Variants in CDH13 observed in about 807,000 individuals in gnomAD.
CDH13 encodes cadherin 13.
A neutral mutation model predicts 63.8 loss-of-function variants in CDH13; 24 were observed. The observed-to-expected ratio is 0.38, with a 90% CI of 0.27 to 0.53. The LOEUF is 0.53. CDH13 is among the 20% of genes least tolerant of loss of function. CDH13 has a pLI of 0.85. For missense variants in CDH13, 1,049 were observed against 903.1 expected (o/e 1.16, Z -2.07); for synonymous variants, 503 against 355.3 (o/e 1.42, Z -4.67).
At chr16:82,869,781 A>G (rs752636097) in intron 2 of CDH13, among the ~76,000 whole-genome samples, 3 of 152,336 alleles carry the variant, frequency 2.0e-5, no homozygotes, top group South Asian at 2.1e-4. Context: ...ATCCATATGC[A>G]GAAGAATGAT....
intron 10 of CDH13, among the ~76,000 whole-genome samples, chr16:83,730,634 T>G (rs1299472305): frequency 6.6e-6 from 1 of 152,198 alleles, no homozygotes; most frequent in African/African-American, 2.4e-5. Flanking sequence ...TTTGTTTGTT[T>G]GTTTTTGTTT....
At chr16:83,360,511 T>A (rs2091141863) in intron 6 of CDH13, among the ~76,000 whole-genome samples, 1 of 152,154 alleles carries the variant, frequency 6.6e-6, no homozygotes, top group South Asian at 2.1e-4. Flanking sequence ...GCAGGCTTAT[T>A]GTATGGATAT....
chr16:83,080,323 C>G (rs1168556056), intron 3 of CDH13, among the ~76,000 whole-genome samples: 1 of 152,110 alleles, frequency 6.6e-6, no homozygotes. Context: ...AATTGAGACA[C>G]CTGTGTATGA....
At chr16:82,701,349 T>C (rs2031002948) in intron 1 of CDH13, among the ~76,000 whole-genome samples, 1 of 152,158 alleles carries the variant, frequency 6.6e-6, no homozygotes, top group African/African-American at 2.4e-5. Flanking sequence ...TCTACAACTT[T>C]GACTTCCATC....
At chr16:83,350,857 G>T (rs948965511) in intron 6 of CDH13, among the ~76,000 whole-genome samples, 17 of 152,146 alleles carry the variant, frequency 1.1e-4, no homozygotes, top group African/African-American at 4.1e-4. Flanking sequence ...GGATCCACCT[G>T]AGTTCCTTTT....
intron 7 of CDH13, among the ~76,000 whole-genome samples, chr16:83,514,856 C>G (rs1259256237): frequency 2.0e-5 from 3 of 152,226 alleles, no homozygotes; most frequent in Admixed American, 6.5e-5. Context: ...TAGATGTCTT[C>G]TTTTGTGCTT....
intron 10 of CDH13, among the ~76,000 whole-genome samples, chr16:83,680,304 A>T (rs1915300895): frequency 6.6e-6 from 1 of 152,178 alleles, no homozygotes; most frequent in East Asian, 1.9e-4. Context: ...TCCCTGCTCC[A>T]GGCACCTTGG....
intron 2 of CDH13, among the ~76,000 whole-genome samples, chr16:82,860,723 G>T (rs530933396): frequency 6.6e-6 from 1 of 151,938 alleles, no homozygotes; most frequent in Non-Finnish European, 1.5e-5. Context: ...TGAGTATAGA[G>T]CCTGCAGATA....
At chr16:82,904,372 G>A (rs1283548714) in intron 2 of CDH13, among the ~76,000 whole-genome samples, 1 of 152,176 alleles carries the variant, frequency 6.6e-6, no homozygotes. Flanking sequence ...TCTCTCTAAA[G>A]AGAGATTGAT....
chr16:83,389,929 A>G (rs186316359), intron 6 of CDH13, among the ~76,000 whole-genome samples: 1 of 152,330 alleles, frequency 6.6e-6, no homozygotes, highest in Non-Finnish European at 1.5e-5. Flanking sequence ...AGTCTCTCCA[A>G]CGCTTTAACT....
Position 83,144,142 on chromosome 16 carries a change from G to A in CDH13, c.483+18641G>A, listed in dbSNP as rs560531967. Among the ~76,000 whole-genome samples the A allele has an allele frequency of 2.4e-4, 36 of 152,218 alleles. No individual in the cohort carries two copies. In the South Asian group the frequency reaches 5.4e-3, roughly 23 times the overall value. ...GACCCACAGCTAGTGCTTGGTCAAC[G>A]TGCCCCTTCCTTCTTTCTCTCCCTA... On this transcript the variant is annotated intron_variant, in intron 4 of 13. Transcript: ENST00000567109.
chr16:83,063,192 A>G (rs1470389771), intron 3 of CDH13, among the ~76,000 whole-genome samples: 1 of 151,770 alleles, frequency 6.6e-6, no homozygotes, highest in Non-Finnish European at 1.5e-5. Flanking sequence ...GAACTCTTGA[A>G]CTCAGGTGAT....
intron 1 of CDH13, among the ~76,000 whole-genome samples, chr16:82,827,224 A>C (rs533755460): frequency 6.6e-6 from 1 of 152,190 alleles, no homozygotes; most frequent in Non-Finnish European, 1.5e-5. Flanking sequence ...TTTCCCAGAC[A>C]GAGAGAGAGT....
intron 1 of CDH13, among the ~76,000 whole-genome samples, chr16:82,782,703 C>G (rs952756451): frequency 6.6e-6 from 1 of 152,146 alleles, no homozygotes; most frequent in African/African-American, 2.4e-5. Context: ...TGACCAAAAA[C>G]AAAATGCCAA....
chr16:83,745,823 C>G (rs1484523545), intron 10 of CDH13, among the ~76,000 whole-genome samples: 1 of 152,140 alleles, frequency 6.6e-6, no homozygotes, highest in African/African-American at 2.4e-5. Flanking sequence ...CACCACACTT[C>G]GATTCAACTT....
intron 6 of CDH13, chr16:83,397,938 G>A (rs996411383): frequency 2.0e-5 from 3 of 152,196 alleles, no homozygotes; most frequent in Non-Finnish European, 1.5e-5. Context: ...GCTGGGAGAC[G>A]CTAGTCTTGC....
At chr16:83,067,807 C>G (rs1347907014) in intron 3 of CDH13, among the ~76,000 whole-genome samples, 1 of 152,172 alleles carries the variant, frequency 6.6e-6, no homozygotes, top group Non-Finnish European at 1.5e-5. Context: ...CGTCAGCCTG[C>G]TGTTCCTGCC....
intron 7 of CDH13, among the ~76,000 whole-genome samples, chr16:83,567,794 A>G (rs1229130415): frequency 2.6e-5 from 4 of 151,716 alleles, no homozygotes; most frequent in Admixed American, 1.3e-4. Flanking sequence ...ATGGGGTTTC[A>G]CTGTGTTAGC....
At chr16:83,753,985 G>A (rs1913300308) in intron 11 of CDH13, among the ~76,000 whole-genome samples, 9 of 151,704 alleles carry the variant, frequency 5.9e-5, no homozygotes, top group Admixed American at 5.9e-4. Flanking sequence ...TCTGATTCTA[G>A]GTGAGAGTCA....
Sources: allele counts gnomAD v4.1 joint callset (sites outside exome capture counted in the v4.1 genomes callset), GRCh38; gene constraint gnomAD v4.1.1; transcripts MANE v1.5; gene names NCBI Gene and HGNC (gene_info 2026-07-23, HGNC 2026-07-21).